FSD1L: variants seen among roughly 807,000 people sequenced by gnomAD.
The protein encoded by FSD1L is fibronectin type III and SPRY domain containing 1 like, also known as FSD1-like protein.
A neutral mutation model predicts 71.6 loss-of-function variants in FSD1L; 45 were observed. The observed-to-expected ratio is 0.63, with a 90% CI of 0.49 to 0.81. The LOEUF is 0.81. FSD1L is among the 30% of genes least tolerant of loss of function. The probability of loss-of-function intolerance (pLI) is 0.00; values close to 1 mark genes in which losing one functional copy is unlikely to be tolerated. For synonymous variants in FSD1L, 197 were observed against 207.2 expected (o/e 0.95, Z 0.42); for missense variants, 561 against 618.1 (o/e 0.91, Z 0.98).
chr9:105,520,175 G>A, intron 10 of FSD1L: 1 of 1,611,310 alleles, frequency 6.2e-7, no homozygotes, highest in Non-Finnish European at 8.5e-7. Flanking sequence ...CCACCCAGAA[G>A]GTGCTAGACA....
At chr9:105,538,801 A>G (rs1836428995) in intron 12 of FSD1L, among the ~76,000 whole-genome samples, 1 of 152,144 alleles carries the variant, frequency 6.6e-6, no homozygotes, top group Admixed American at 6.6e-5. Context: ...TGAAGCAGTG[A>G]TAGATATATT....
chr9:105,467,654 G>A (rs1030020342), intron 3 of FSD1L, among the ~76,000 whole-genome samples: 1 of 152,148 alleles, frequency 6.6e-6, no homozygotes, highest in South Asian at 2.1e-4. Context: ...TAATTGCTTA[G>A]TCTTTTAATT....
Position 105,506,418 on chromosome 9 carries a change from A to G in FSD1L, c.606A>G (p.Ile202Met). 6.4e-7 allele frequency: 1 copy of G among 1,551,426 alleles called. No individual in the cohort carries two copies. The highest frequency in any genetic ancestry group is 8.7e-7 in the Non-Finnish European group (1 of 1,146,774). Residue 202 changes from isoleucine (I) to methionine (M), a missense_variant, in exon 8 of 14, where the codon ATA becomes ATG. By Grantham distance (10) the Ile-to-Met change is conservative. Coordinates refer to ENST00000481272, the MANE Select transcript of FSD1L (RefSeq NM_001145313.3). Reference sequence around the variant, plus strand: ...TTGCAGTCCCCAAAGCTCCAGAGATAGATCCAGTAGAGTGTTTGGTGGCAG... The same window carrying G: ...TTGCAGTCCCCAAAGCTCCAGAGATGGATCCAGTAGAGTGTTTGGTGGCAG... The part of the protein sequence containing the change: ...KFLPVPKAPE[I>M]DPVECLVADN...
chr9:105,464,147 T>A, intron 2 of FSD1L, 89 bp from the exon 3 acceptor site: 2 of 697,378 alleles, frequency 2.9e-6, no homozygotes, highest in East Asian at 5.6e-5. Flanking sequence ...AATATACTCT[T>A]ACATAAAGTT....
intron 12 of FSD1L, among the ~76,000 whole-genome samples, chr9:105,535,983 AG>A (rs1377957013): frequency 1.3e-5 from 2 of 152,210 alleles, no homozygotes; most frequent in Non-Finnish European, 2.9e-5. Flanking sequence ...GAGGGGCCAA[AG>A]GGGTTTCCCC....
intron 7 of FSD1L, among the ~76,000 whole-genome samples, chr9:105,491,408 T>C (rs896389828): frequency 1.3e-5 from 2 of 152,056 alleles, no homozygotes; most frequent in Non-Finnish European, 2.9e-5. Flanking sequence ...GCTGAGACAA[T>C]GGGGTTTCCT....
intron 13 of FSD1L, among the ~76,000 whole-genome samples, chr9:105,542,710 C>T (rs542897726): frequency 1.3e-5 from 2 of 152,318 alleles, no homozygotes; most frequent in South Asian, 2.1e-4. Flanking sequence ...CCAGCCTTGG[C>T]CCCCCAAAAT....
At chr9:105,488,728 T>C (rs1284075891) in intron 7 of FSD1L, among the ~76,000 whole-genome samples, 1 of 152,132 alleles carries the variant, frequency 6.6e-6, no homozygotes, top group Non-Finnish European at 1.5e-5. Flanking sequence ...TAATGACATA[T>C]TATGTGAAGG....
At chr9:105,497,570 T>C in intron 7 of FSD1L, among the ~76,000 whole-genome samples, 1 of 152,206 alleles carries the variant, frequency 6.6e-6, no homozygotes, top group East Asian at 1.9e-4. Context: ...GATTGTCTGT[T>C]TTCCTTGTGG....
intron 4 of FSD1L, among the ~76,000 whole-genome samples, 180 bp from the exon 5 acceptor site, chr9:105,471,724 T>TATATATATA: frequency 7.0e-6 from 1 of 143,330 alleles, no homozygotes; most frequent in African/African-American, 2.5e-5. Context: ...ATAACACGTT[T>TATATATATA]TATATATATA....
intron 12 of FSD1L, among the ~76,000 whole-genome samples, chr9:105,535,709 A>G (rs1284886923): frequency 6.6e-6 from 1 of 152,168 alleles, no homozygotes; most frequent in Non-Finnish European, 1.5e-5. Flanking sequence ...CCCATTTTAC[A>G]TGATGTGATT....
chr9:105,465,704 A>C (rs1831016092), intron 3 of FSD1L, among the ~76,000 whole-genome samples: 1 of 152,222 alleles, frequency 6.6e-6, no homozygotes, highest in Non-Finnish European at 1.5e-5. Context: ...AGAATTCAAC[A>C]TCCTTTCATG....
chr9:105,448,103 G>C lies in FSD1L; in HGVS notation c.-118G>C. Reference sequence around the variant, plus strand: ...GGGCGCGGACGGGTGGGGCCGGGCGGTGCCGGTGCGGGCTGGGGCAGTGCA... The same window carrying C: ...GGGCGCGGACGGGTGGGGCCGGGCGCTGCCGGTGCGGGCTGGGGCAGTGCA... On this transcript the variant is annotated 5_prime_UTR_variant, in exon 1 of 14. Transcript: ENST00000481272. 8.6e-6 allele frequency: 10 copies of C among 1,161,324 alleles called. No homozygotes were observed. The South Asian group carries it at 1.3e-4, about 15-fold the overall frequency. The allele number at this position is 1,161,324 out of a possible 1,614,324, so 71.9% of individuals were successfully genotyped here.
chr9:105,520,532 A>T (rs1835078252), intron 10 of FSD1L: 1 of 1,195,688 alleles, frequency 8.4e-7, no homozygotes, highest in East Asian at 2.3e-5. Context: ...AAAATTTTAC[A>T]ACTTCTTCCA....
At chr9:105,543,450 A>G (rs959281766) in intron 13 of FSD1L, among the ~76,000 whole-genome samples, 2 of 152,156 alleles carry the variant, frequency 1.3e-5, no homozygotes, top group African/African-American at 4.8e-5. Context: ...TATTTTTATT[A>G]TACTTTAAGT....
intron 1 of FSD1L, among the ~76,000 whole-genome samples, chr9:105,459,959 A>G (rs1028432718): frequency 1.3e-5 from 2 of 152,162 alleles, no homozygotes; most frequent in African/African-American, 4.8e-5. Context: ...CCCTTTATCT[A>G]GGTGTGTATT....
At chr9:105,525,722 T>C in intron 10 of FSD1L, 1 of 1,604,284 alleles carries the variant, frequency 6.2e-7, no homozygotes, top group East Asian at 2.2e-5. Context: ...AAACACTCCA[T>C]TCTCACCAAT....
chr9:105,510,696 A>G (rs916296021), intron 9 of FSD1L, among the ~76,000 whole-genome samples: 2 of 152,212 alleles, frequency 1.3e-5, no homozygotes, highest in East Asian at 1.9e-4. Context: ...CATGAGTAAT[A>G]TAAGTTCTTA....
intron 10 of FSD1L, among the ~76,000 whole-genome samples, chr9:105,513,410 C>G (rs771415981): frequency 1.4e-4 from 22 of 152,112 alleles, no homozygotes; most frequent in Non-Finnish European, 2.8e-4. Flanking sequence ...TAAATAAAGT[C>G]AAAACATGGG....
Sources: allele counts gnomAD v4.1 joint callset (sites outside exome capture counted in the v4.1 genomes callset), GRCh38; gene constraint gnomAD v4.1.1; transcripts MANE v1.5; gene names NCBI Gene and HGNC (gene_info 2026-07-23, HGNC 2026-07-21).